Variants in PKN2 observed in about 807,000 individuals in gnomAD.
The protein encoded by PKN2 is serine/threonine-protein kinase N2.
In PKN2, 38 loss-of-function variants were observed where a neutral mutation model predicts 119.1. The observed-to-expected ratio is 0.32, with a 90% CI of 0.25 to 0.42. PKN2 has a LOEUF of 0.42. Among genes scored for constraint, PKN2 ranks in the 10% least tolerant of loss-of-function variants. The pLI, the probability that PKN2 is intolerant of heterozygous loss-of-function variation, is 1.00. For synonymous variants in PKN2, 390 were observed against 384.9 expected (o/e 1.01, Z -0.15); for missense variants, 850 against 1,165.1 (o/e 0.73, Z 3.94).
At chr1:88,787,310 AATTGTT>A (rs1349090567) in intron 8 of PKN2, among the ~76,000 whole-genome samples, 1 of 152,134 alleles carries the variant, frequency 6.6e-6, no homozygotes, top group Non-Finnish European at 1.5e-5. Context: ...AAACTTAAAG[AATTGTT>A]ATTAGAGGGA....
At chr1:88,830,612 A>G (rs2100935314) in intron 19 of PKN2, among the ~76,000 whole-genome samples, 1 of 152,276 alleles carries the variant, frequency 6.6e-6, no homozygotes, top group East Asian at 1.9e-4. Flanking sequence ...TTATTACAAA[A>G]TACTGTAGAA....
chr1:88,712,659 AG>A (rs1667281104), intron 1 of PKN2, among the ~76,000 whole-genome samples: 1 of 152,224 alleles, frequency 6.6e-6, no homozygotes, highest in African/African-American at 2.4e-5. Context: ...TAAAATGTAA[AG>A]TATTTTAAAT....
intron 1 of PKN2, among the ~76,000 whole-genome samples, chr1:88,688,598 A>T (rs114871039): frequency 6.6e-6 from 1 of 152,348 alleles, no homozygotes; most frequent in African/African-American, 2.4e-5. Context: ...ATTATTGTAG[A>T]TACAGTCTAA....
chr1:88,733,105 G>A (rs1422556877), intron 1 of PKN2, among the ~76,000 whole-genome samples: 1 of 152,176 alleles, frequency 6.6e-6, no homozygotes, highest in Non-Finnish European at 1.5e-5. Context: ...AGACATTTAG[G>A]TTGATTCCAT....
chr1:88,763,572 A>G (rs1669531601), intron 3 of PKN2, among the ~76,000 whole-genome samples: 1 of 139,426 alleles, frequency 7.2e-6, no homozygotes, highest in Admixed American at 8.1e-5. Context: ...GTGCCATTGC[A>G]CTCCAGCCTG....
At chr1:88,688,312 C>G (rs1666187775) in intron 1 of PKN2, among the ~76,000 whole-genome samples, 1 of 152,134 alleles carries the variant, frequency 6.6e-6, no homozygotes, top group South Asian at 2.1e-4. Context: ...GTCTTGAACT[C>G]CTGACCTCGT....
chr1:88,766,850 T>TC (rs1369653224), intron 3 of PKN2, among the ~76,000 whole-genome samples: 2 of 152,160 alleles, frequency 1.3e-5, no homozygotes, highest in African/African-American at 2.4e-5. Flanking sequence ...ATATCCAAAA[T>TC]CCATTTTAAA....
At position 88,760,250 on chromosome 1, in the gene PKN2, T is replaced by C; in HGVS notation, c.378T>C (p.Asn126=). Residue 126 remains asparagine (N), a synonymous_variant, in exon 3 of 22, where the codon AAT becomes AAC. Coordinates refer to ENST00000370521, the MANE Select transcript of PKN2 (RefSeq NM_006256.4). ...GCCCAAGGACTCCAGATACTCCAAA[T>C]AATGACCCTCGTTGTTCTACTAGCA... The part of the protein sequence containing the change: ...TDCPRTPDTP[N]NDPRCSTSNN... 1 of 1,575,484 alleles carries C rather than the reference T, an allele frequency of 6.3e-7. No homozygotes were observed. Among genetic ancestry groups the C allele is most frequent in the Non-Finnish European group, 8.7e-7 (1 of 1,150,644 alleles).
At chr1:88,746,064 CG>C (rs1557583408) in intron 2 of PKN2, among the ~76,000 whole-genome samples, 1 of 152,128 alleles carries the variant, frequency 6.6e-6, no homozygotes. Context: ...TACCCTTATA[CG>C]TAATACCTTT....
Position 88,834,532 on chromosome 1 carries a change from C to T in PKN2, c.*1084C>T, listed in dbSNP as rs1264478830. On this transcript the variant is annotated 3_prime_UTR_variant, in exon 22 of 22. Transcript: ENST00000370521. ...CAAACTCCAGCATTTACATTAAGTG[C>T]ATTTGTACATTTTAGGCCACTGGAT... 1 of 152,408 alleles carries T rather than the reference C, an allele frequency of 6.6e-6. No homozygotes were observed. Among genetic ancestry groups the T allele is most frequent in the Non-Finnish European group, 1.5e-5 (1 of 67,962 alleles). 9.4% of individuals were successfully genotyped at this position (152,408 alleles called of 1,614,324 possible).
chr1:88,709,530 A>C (rs765249073), intron 1 of PKN2, among the ~76,000 whole-genome samples: 3 of 152,200 alleles, frequency 2.0e-5, no homozygotes, highest in Non-Finnish European at 4.4e-5. Context: ...TACAATCCCA[A>C]ATCACCATTA....
At position 88,813,156 on chromosome 1, in the gene PKN2, T is replaced by C. The variant is rs1051263805; in HGVS notation, c.2103-401T>C. On this transcript the variant is annotated intron_variant, in intron 15 of 21. Transcript: ENST00000370521. ...ATTGAATACTATAGCTTGTGAATTA[T>C]AGATACTGTCTTTGAAATTACCTTC... 2.6e-5 allele frequency among the ~76,000 whole-genome samples: 4 copies of C among 152,328 alleles called. No homozygotes were observed. The East Asian group carries it at 7.7e-4, about 29-fold the overall frequency.
At chr1:88,804,743 C>A in intron 9 of PKN2, 103 bp from the exon 10 acceptor site, 1 of 769,854 alleles carries the variant, frequency 1.3e-6, no homozygotes, top group Non-Finnish European at 2.1e-6. Flanking sequence ...AGGGGCTGGA[C>A]TAAACTGTAA....
intron 1 of PKN2, among the ~76,000 whole-genome samples, chr1:88,728,185 A>G (rs1667975210): frequency 6.6e-6 from 1 of 151,982 alleles, no homozygotes; most frequent in South Asian, 2.1e-4. Flanking sequence ...TATTAAGTCC[A>G]GGGTGTTTAG....
intron 1 of PKN2, among the ~76,000 whole-genome samples, chr1:88,737,152 C>A (rs1249327769): frequency 1.3e-5 from 2 of 152,200 alleles, no homozygotes; most frequent in African/African-American, 4.8e-5. Context: ...AAAACCATAG[C>A]TGCCAAGACA....
At chr1:88,793,516 A>G (rs1324421621) in intron 8 of PKN2, among the ~76,000 whole-genome samples, 1 of 151,780 alleles carries the variant, frequency 6.6e-6, no homozygotes, top group African/African-American at 2.4e-5. Flanking sequence ...TGTTTCTGTT[A>G]TTTCTTGAAC....
At chr1:88,702,105 T>A (rs1666794318) in intron 1 of PKN2, among the ~76,000 whole-genome samples, 1 of 152,082 alleles carries the variant, frequency 6.6e-6, no homozygotes, top group Admixed American at 6.6e-5. Context: ...AATACAGGCA[T>A]GTGCCACCAA....
At chr1:88,727,107 T>C (rs1396648869) in intron 1 of PKN2, among the ~76,000 whole-genome samples, 1 of 152,060 alleles carries the variant, frequency 6.6e-6, no homozygotes, top group Non-Finnish European at 1.5e-5. Flanking sequence ...TGAAGCTGTG[T>C]TGTTTCCAGA....
At chr1:88,717,381 G>T (rs1255666204) in intron 1 of PKN2, among the ~76,000 whole-genome samples, 1 of 152,122 alleles carries the variant, frequency 6.6e-6, no homozygotes, top group Non-Finnish European at 1.5e-5. Flanking sequence ...ATAATATCCT[G>T]CAGAGTGTTT....
Sources: gnomAD v4.1 joint callset for allele counts (sites outside exome capture counted in the v4.1 genomes callset) on GRCh38, gnomAD v4.1.1 for gene constraint, MANE v1.5 for transcripts, NCBI Gene and HGNC (gene_info 2026-07-23, HGNC 2026-07-21) for gene names.